The following PDE1C variants were observed in gnomAD, a reference collection of about 807,000 sequenced individuals.
PDE1C encodes phosphodiesterase 1C.
A neutral mutation model predicts 93.1 loss-of-function variants in PDE1C; 62 were observed. The observed-to-expected ratio is 0.67, with a 90% CI of 0.54 to 0.82. The LOEUF is 0.82. PDE1C is among the 40% of genes least tolerant of loss of function. The pLI is 0.00. For synonymous variants in PDE1C, 325 were observed against 310.1 expected, an observed-to-expected ratio of 1.05 and a Z score of -0.50; for missense variants, 742 against 884.6, an observed-to-expected ratio of 0.84 and a Z score of 2.04.
chr7:31,693,464 T>G, the PDE1C span, among the ~76,000 whole-genome samples: 1 of 152,248 alleles, frequency 6.6e-6, no homozygotes, highest in Non-Finnish European at 1.5e-5. Flanking sequence ...CCCAAGAGGC[T>G]GGGTTTAATC....
At chr7:32,414,537 C>A (rs111873512) in intron 1 of PDE1C, among the ~76,000 whole-genome samples, 3 of 152,104 alleles carry the variant, frequency 2.0e-5, no homozygotes, top group African/African-American at 7.2e-5. Context: ...ATTTTTGCAA[C>A]AAGCATGCTT....
At chr7:32,187,346 T>C (rs948610431) in intron 2 of PDE1C, among the ~76,000 whole-genome samples, 1 of 152,126 alleles carries the variant, frequency 6.6e-6, no homozygotes, top group Non-Finnish European at 1.5e-5. Flanking sequence ...GTTTCTCTTA[T>C]ATTTTTATCA....
chr7:31,963,756 A>G (rs995537252), intron 2 of PDE1C, among the ~76,000 whole-genome samples: 4 of 152,214 alleles, frequency 2.6e-5, no homozygotes, highest in Non-Finnish European at 5.9e-5. Flanking sequence ...GTAAACATCA[A>G]TCAGCACCTA....
At chr7:31,663,379 G>A in the PDE1C span, among the ~76,000 whole-genome samples, 7 of 152,144 alleles carry the variant, frequency 4.6e-5, no homozygotes, top group Admixed American at 6.5e-5. Context: ...GACTGTGATA[G>A]GCAAAAGATT....
intron 1 of PDE1C, among the ~76,000 whole-genome samples, chr7:32,067,444 A>G (rs532304024): frequency 4.5e-4 from 68 of 152,340 alleles, no homozygotes; most frequent in African/African-American, 1.5e-3. Flanking sequence ...CTAGAGAAAA[A>G]TAAAGCATGG....
chr7:32,186,726 G>A (rs1803911509), intron 2 of PDE1C, among the ~76,000 whole-genome samples: 1 of 152,028 alleles, frequency 6.6e-6, no homozygotes, highest in Admixed American at 6.6e-5. Flanking sequence ...CAGAGAGTAT[G>A]TCCTACATAA....
chr7:31,795,075 C>T (rs945934354), intron 16 of PDE1C, among the ~76,000 whole-genome samples: 1 of 151,866 alleles, frequency 6.6e-6, no homozygotes, highest in Non-Finnish European at 1.5e-5. Flanking sequence ...GAGCAGGATG[C>T]CCATCAGTGG....
At position 32,298,007 on chromosome 7, in the gene PDE1C, TC is replaced by T. The variant is rs1562660245; in HGVS notation, c.85+643del. Among the ~76,000 whole-genome samples, 3 of 45,780 alleles carry T rather than the reference TC, an allele frequency of 6.6e-5. 1 individual carries two copies. The East Asian group carries it at 3.6e-3, about 54-fold the overall frequency. The allele number at this position is 45,780 out of a possible 152,430, so 30.0% of individuals were successfully genotyped here. On this transcript the variant is annotated intron_variant, in intron 1 of 18. Transcript: ENST00000396193. ...TCTCTCTCTCTCTCTCCTCTCTCTC[TC>T]TCTCTCTCCCTCTCTCTCTCTCTCT...
chr7:31,627,683 A>T, the PDE1C span, among the ~76,000 whole-genome samples: 6 of 144,866 alleles, frequency 4.1e-5, no homozygotes, highest in African/African-American at 1.5e-4. Flanking sequence ...AAAAAAAAAA[A>T]TTCAGTAAAC....
chr7:32,390,027 A>G (rs1321331158), intron 1 of PDE1C, among the ~76,000 whole-genome samples: 1 of 152,210 alleles, frequency 6.6e-6, no homozygotes, highest in Non-Finnish European at 1.5e-5. Context: ...AATCCACAGG[A>G]AGTAATGAGG....
intron 1 of PDE1C, among the ~76,000 whole-genome samples, chr7:32,411,778 C>A (rs2128097982): frequency 6.6e-6 from 1 of 152,052 alleles, no homozygotes; most frequent in African/African-American, 2.4e-5. Flanking sequence ...CTTTTTGACT[C>A]TTTTGTAATA....
the PDE1C span, chr7:31,652,829 G>T: frequency 6.2e-7 from 1 of 1,610,216 alleles, no homozygotes; most frequent in Non-Finnish European, 8.5e-7. Context: ...TCTTCCTCTA[G>T]ATCAGAGCAG....
intron 1 of PDE1C, among the ~76,000 whole-genome samples, chr7:32,249,537 CA>C (rs1422986783): frequency 2.0e-5 from 3 of 152,118 alleles, no homozygotes; most frequent in Admixed American, 2.0e-4. Flanking sequence ...ATGCCTGTAG[CA>C]AGAGGACAAA....
At chr7:31,628,603 G>A in the PDE1C span, among the ~76,000 whole-genome samples, 5 of 151,868 alleles carry the variant, frequency 3.3e-5, no homozygotes, top group Admixed American at 1.3e-4. Context: ...GACTACAGGC[G>A]CCCGCCACCA....
intron 1 of PDE1C, among the ~76,000 whole-genome samples, chr7:32,249,575 T>C (rs897357908): frequency 2.0e-5 from 3 of 152,266 alleles, no homozygotes; most frequent in Non-Finnish European, 2.9e-5. Flanking sequence ...TTTCTGAGAG[T>C]TGATCTTGAA....
intron 1 of PDE1C, among the ~76,000 whole-genome samples, chr7:32,372,145 C>T (rs1784346128): frequency 6.6e-6 from 1 of 151,594 alleles, no homozygotes; most frequent in South Asian, 2.1e-4. Context: ...CCTCTAACTC[C>T]TGAGTTCAAG....
At chr7:31,993,157 A>C (rs905287699) in intron 2 of PDE1C, among the ~76,000 whole-genome samples, 1 of 152,208 alleles carries the variant, frequency 6.6e-6, no homozygotes, top group Non-Finnish European at 1.5e-5. Flanking sequence ...AGATAATATA[A>C]ACCAATGTTG....
In PDE1C at chr7:32,374,194, G is replaced by GAA. The variant is rs752365240; in HGVS notation, c.310+53627_310+53628insTT. On this transcript the variant is annotated intron_variant, in intron 1 of 1. Coordinates refer to the PDE1C transcript ENST00000672256. The stretch of plus-strand genomic sequence containing the variant: ...AGAAAGAAAGAAAGAAAGAAAGAAA[G>GAA]AGAGGGAAAGAGAGGGAAAGAAAGG... Among the ~76,000 whole-genome samples, 32 of 137,452 alleles carry GAA rather than the reference G, an allele frequency of 2.3e-4. 2 individuals carry two copies. The highest frequency in any genetic ancestry group is 9.7e-4 in the African/African-American group (32 of 32,920). 90.2% of individuals were successfully genotyped at this position (137,452 alleles called of 152,430 possible).
chr7:31,671,142 C>T, the PDE1C span, among the ~76,000 whole-genome samples: 117,987 of 152,102 alleles, frequency 0.78, 45,992 homozygotes, highest in African/African-American at 0.84. Context: ...TGAGTGCAGC[C>T]GCAAAAGGCT....
Sources: gnomAD v4.1 joint callset for allele counts (sites outside exome capture counted in the v4.1 genomes callset) on GRCh38, gnomAD v4.1.1 for gene constraint, MANE v1.5 for transcripts, NCBI Gene and HGNC (gene_info 2026-07-23, HGNC 2026-07-21) for gene names.